Variants in CHL1 observed in about 807,000 individuals in gnomAD.
CHL1 encodes neural cell adhesion molecule L1-like protein.
Under a neutral mutation model 141.9 loss-of-function variants are expected in CHL1, and 96 were observed. The observed-to-expected ratio is 0.68, with a 90% CI of 0.57 to 0.80. CHL1 has a LOEUF of 0.80. Among genes scored for constraint, CHL1 ranks in the 30% least tolerant of loss-of-function variants. The probability of loss-of-function intolerance (pLI) is 0.00; values close to 1 mark genes in which losing one functional copy is unlikely to be tolerated. For missense variants in CHL1, 1,820 were observed against 1,457.2 expected, an observed-to-expected ratio of 1.25 and a Z score of -4.05; for synonymous variants, 613 against 502.2, an observed-to-expected ratio of 1.22 and a Z score of -2.95.
intron 1 of CHL1, among the ~76,000 whole-genome samples, chr3:223,678 G>A (rs1170716098): frequency 1.3e-5 from 2 of 152,190 alleles, no homozygotes; most frequent in Non-Finnish European, 2.9e-5. Context: ...TTACAGTAGA[G>A]AAAGAGTTTA....
chr3:227,492 A>G (rs1201013766), intron 1 of CHL1, among the ~76,000 whole-genome samples: 1 of 152,236 alleles, frequency 6.6e-6, no homozygotes, highest in Non-Finnish European at 1.5e-5. Flanking sequence ...TCAGGCTCAT[A>G]TCATTTTCAA....
At position 222,430 on chromosome 3, in the gene CHL1, T is replaced by C. The variant is rs532369927; in HGVS notation, c.-174-22183T>C. ...AAAGCATAAAATTTATTTACCCATA[T>C]GCATGTGGAGAATCACAGAGTGATT... On this transcript the variant is annotated intron_variant, in intron 1 of 27. Coordinates refer to ENST00000256509, the MANE Select transcript of CHL1 (RefSeq NM_006614.4). Among the ~76,000 whole-genome samples the C allele has an allele frequency of 1.4e-4, 21 of 152,350 alleles. No individual in the cohort carries two copies. In the South Asian group the frequency reaches 3.3e-3, roughly 24 times the overall value.
At chr3:290,315 C>A (rs1697570022) in intron 2 of CHL1, among the ~76,000 whole-genome samples, 1 of 152,094 alleles carries the variant, frequency 6.6e-6, no homozygotes. Context: ...TTGTGATTCT[C>A]TGCACATGTT....
At chr3:230,402 C>G (rs1233013210) in intron 1 of CHL1, among the ~76,000 whole-genome samples, 1 of 152,116 alleles carries the variant, frequency 6.6e-6, no homozygotes, top group African/African-American at 2.4e-5. Flanking sequence ...AAACCACCAG[C>G]TGATGACTTG....
intron 1 of CHL1, among the ~76,000 whole-genome samples, chr3:237,529 A>C (rs1441923159): frequency 6.6e-6 from 1 of 152,190 alleles, no homozygotes; most frequent in Non-Finnish European, 1.5e-5. Flanking sequence ...TCCTTTTCTC[A>C]AAGTATTTTA....
intron 9 of CHL1, among the ~76,000 whole-genome samples, chr3:347,778 C>G (rs1365100103): frequency 6.6e-6 from 1 of 152,198 alleles, no homozygotes; most frequent in African/African-American, 2.4e-5. Flanking sequence ...AAGCCAGCAG[C>G]TAATATGCTC....
chr3:210,031 G>A (rs1395299629), intron 1 of CHL1, among the ~76,000 whole-genome samples: 1 of 152,066 alleles, frequency 6.6e-6, no homozygotes, highest in Non-Finnish European at 1.5e-5. Context: ...TCACCATATG[G>A]CTTAAAACTG....
chr3:399,263 G>A (rs2387184), intron 26 of CHL1, 115 bp downstream of exon 26: 756,326 of 762,122 alleles, frequency 0.99, 375,495 homozygotes, highest in East Asian at 1. Flanking sequence ...ATATTAGCAA[G>A]TTAGATGTAC....
chr3:387,866 T>C (rs1042156628), intron 19 of CHL1, among the ~76,000 whole-genome samples: 5 of 152,242 alleles, frequency 3.3e-5, no homozygotes, highest in African/African-American at 1.2e-4. Context: ...TCAGTTAGTT[T>C]AGTTTATTCA....
At position 246,636 on chromosome 3, in the gene CHL1, A is replaced by G. The variant is rs1693201792; in HGVS notation, c.-95+1944A>G. On this transcript the variant is annotated intron_variant, in intron 2 of 27. Coordinates refer to ENST00000256509, the MANE Select transcript of CHL1 (RefSeq NM_006614.4). ...AAGAATTTTAAAACGATGGAGTAAAATAATCTTCAAGCTCTGATTAGATTA... is the reference window on the plus strand; with the variant it reads ...AAGAATTTTAAAACGATGGAGTAAAGTAATCTTCAAGCTCTGATTAGATTA... 2.6e-5 allele frequency: 4 copies of G among 152,118 alleles called. No individual in the cohort carries two copies. The South Asian group carries it at 8.3e-4, about 32-fold the overall frequency. 9.4% of individuals were successfully genotyped at this position (152,118 alleles called of 1,614,324 possible). A position where few individuals can be genotyped will look rare whatever the true frequency, so the allele number is the denominator to read the frequency against.
At chr3:306,851 A>G (rs1440901434) in intron 2 of CHL1, among the ~76,000 whole-genome samples, 3 of 152,200 alleles carry the variant, frequency 2.0e-5, no homozygotes, top group Non-Finnish European at 4.4e-5. Context: ...AATGTTCACT[A>G]GCAGTTGATA....
At chr3:397,521 C>A (rs1432172374) in intron 24 of CHL1, among the ~76,000 whole-genome samples, 1 of 151,966 alleles carries the variant, frequency 6.6e-6, no homozygotes, top group Non-Finnish European at 1.5e-5. Flanking sequence ...AGCTGTGGAT[C>A]ACATGCAAAA....
chr3:318,251 C>A (rs935512541), intron 2 of CHL1, among the ~76,000 whole-genome samples: 1 of 151,774 alleles, frequency 6.6e-6, no homozygotes, highest in South Asian at 2.1e-4. Context: ...ACAAAAGATA[C>A]AGGTCTATAA....
intron 5 of CHL1, among the ~76,000 whole-genome samples, chr3:338,056 G>C (rs887551657): frequency 1.3e-5 from 2 of 152,066 alleles, no homozygotes; most frequent in Non-Finnish European, 2.9e-5. Flanking sequence ...AGTAGAGACG[G>C]GGTTTCACCA....
intron 2 of CHL1, among the ~76,000 whole-genome samples, chr3:257,208 T>C (rs1323369610): frequency 2.0e-5 from 3 of 152,182 alleles, no homozygotes; most frequent in Non-Finnish European, 4.4e-5. Flanking sequence ...AATTAAATAA[T>C]AAACTTACAT....
At chr3:379,957 T>G (rs1706831668) in intron 16 of CHL1, among the ~76,000 whole-genome samples, 1 of 152,182 alleles carries the variant, frequency 6.6e-6, no homozygotes, top group Admixed American at 6.5e-5. Context: ...TTGACCCCCT[T>G]TAATCAAAAG....
At chr3:313,538 C>T (rs777677087) in intron 2 of CHL1, among the ~76,000 whole-genome samples, 2 of 151,960 alleles carry the variant, frequency 1.3e-5, no homozygotes, top group Non-Finnish European at 2.9e-5. Context: ...TTTGTGTAAA[C>T]ATGACATCAT....
intron 5 of CHL1, among the ~76,000 whole-genome samples, chr3:338,964 A>G (rs1702150789): frequency 6.6e-6 from 1 of 152,176 alleles, no homozygotes; most frequent in Non-Finnish European, 1.5e-5. Context: ...TTAATTAACT[A>G]CTTTACAATA....
At chr3:289,990 A>G (rs1004807351) in intron 2 of CHL1, among the ~76,000 whole-genome samples, 4 of 134,518 alleles carry the variant, frequency 3.0e-5, no homozygotes, top group Non-Finnish European at 6.1e-5. Context: ...GGTGGAGTGC[A>G]GTATACTCAC....
Sources: allele counts gnomAD v4.1 joint callset (sites outside exome capture counted in the v4.1 genomes callset), GRCh38; gene constraint gnomAD v4.1.1; transcripts MANE v1.5; gene names NCBI Gene and HGNC (gene_info 2026-07-23, HGNC 2026-07-21).